Variants in ZKSCAN2 observed in about 807,000 individuals in gnomAD.
ZKSCAN2 encodes the protein zinc finger protein with KRAB and SCAN domains 2.
Under a neutral mutation model 90.5 loss-of-function variants are expected in ZKSCAN2, and 38 were observed. The observed-to-expected ratio is 0.42, with a 90% CI of 0.32 to 0.55. The LOEUF is 0.55. Among genes scored for constraint, ZKSCAN2 ranks in the 20% least tolerant of loss-of-function variants. The probability of loss-of-function intolerance (pLI) is 0.11; values close to 1 mark genes in which losing one functional copy is unlikely to be tolerated. For synonymous variants in ZKSCAN2, 429 were observed against 421.6 expected (o/e 1.02, Z -0.22); for missense variants, 1,167 against 1,202.6 (o/e 0.97, Z 0.44).
chr16:25,256,896 T>G lies in ZKSCAN2; in HGVS notation c.232A>C (p.Met78Leu). 1 of 1,614,196 alleles carries G rather than the reference T, an allele frequency of 6.2e-7. No homozygotes were observed. The highest frequency in any genetic ancestry group is 1.1e-5 in the South Asian group (1 of 91,076). The change falls in exon 1 of 7, where the codon ATG becomes CTG. Residue 78 changes from methionine (M) to leucine (L), a missense_variant. Met to Leu is a conservative substitution (Grantham distance 15). Coordinates refer to ENST00000328086, the MANE Select transcript of ZKSCAN2 (RefSeq NM_001012981.5). ...ELCCRWLKPE[M>L]RSKEQILELL... is the part of the protein sequence containing the mutation. Reference sequence around the variant, plus strand: ...TCAAGTATTTGCTCCTTGGAACGCATTTCTGGCTTCAGCCACCGGCAGCAA... The same window carrying G: ...TCAAGTATTTGCTCCTTGGAACGCAGTTCTGGCTTCAGCCACCGGCAGCAA...
intron 1 of ZKSCAN2, among the ~76,000 whole-genome samples, 178 bp downstream of exon 1, chr16:25,256,551 A>C (rs1303488749): frequency 1.3e-5 from 2 of 152,118 alleles, no homozygotes; most frequent in African/African-American, 2.4e-5. Flanking sequence ...ATTTCATGTG[A>C]AATTCTGATC....
At chr16:25,250,201 CG>C (rs1963000162) in intron 4 of ZKSCAN2, among the ~76,000 whole-genome samples, 1 of 151,620 alleles carries the variant, frequency 6.6e-6, no homozygotes, top group Admixed American at 6.6e-5. Context: ...TCCAGCTACT[CG>C]GGAGGCTGAG....
At chr16:25,249,301 A>G (rs1371159483) in intron 4 of ZKSCAN2, among the ~76,000 whole-genome samples, 1 of 151,964 alleles carries the variant, frequency 6.6e-6, no homozygotes, top group African/African-American at 2.4e-5. Flanking sequence ...AGAAGAGTAG[A>G]TTTTCTTTTA....
At chr16:25,240,862 T>A in intron 6 of ZKSCAN2, 124 bp from the exon 7 acceptor site, 1 of 716,668 alleles carries the variant, frequency 1.4e-6, no homozygotes, top group Non-Finnish European at 2.3e-6. Flanking sequence ...CTGTGACTCT[T>A]CCCTGATTCA....
rs898171319 is a variant in ZKSCAN2 at position 25,237,802 on chromosome 16, C to T, written c.*2014G>A. The T allele has an allele frequency of 3.9e-5, 6 of 152,192 alleles. No individual in the cohort carries two copies. Among genetic ancestry groups the T allele is most frequent in the East Asian group, 3.9e-4 (2 of 5,192 alleles). The allele number at this position is 152,192 out of a possible 1,614,324, so 9.4% of individuals were successfully genotyped here. A position where few individuals can be genotyped will look rare whatever the true frequency, so the allele number is the denominator to read the frequency against. On this transcript the variant is annotated 3_prime_UTR_variant, in exon 7 of 7. Coordinates refer to ENST00000328086, the MANE Select transcript of ZKSCAN2 (RefSeq NM_001012981.5). ...TTCCACATAATATCAATCCTGTGTA[C>T]ATATTATTAAGTGGTGATTTCTATT...
In ZKSCAN2 at chr16:25,239,515, T is replaced by C. The variant is rs1447990505; in HGVS notation, c.*301A>G. On this transcript the variant is annotated 3_prime_UTR_variant, in exon 7 of 7. Coordinates refer to ENST00000328086, the MANE Select transcript of ZKSCAN2 (RefSeq NM_001012981.5). ...ACAACTCTCACCCATATGGAAGATC[T>C]TGAATGTTGCCGAACTTAGCAATCC... 3.6e-5 allele frequency: 9 copies of C among 251,528 alleles called. No individual in the cohort carries two copies. In the South Asian group the frequency reaches 9.7e-4, roughly 27 times the overall value. 15.6% of individuals were successfully genotyped at this position (251,528 alleles called of 1,614,324 possible).
chr16:25,244,782 T>C (rs1194800055), intron 5 of ZKSCAN2, among the ~76,000 whole-genome samples: 1 of 152,240 alleles, frequency 6.6e-6, no homozygotes, highest in African/African-American at 2.4e-5. Context: ...GGAGCAGAAC[T>C]ATGTTCAGAG....
chr16:25,246,804 C>G lies in ZKSCAN2; in HGVS notation c.1392G>C (p.Glu464Asp). ...AKEHISLVEE[E>D]EAAEDSDDDE... ...CATCATCAGAATCTTCTGCAGCTTC[C>G]TCCTCCTCCACCAAGCTGATGTGTT... Residue 464 changes from glutamate (E) to aspartate (D), a missense_variant, in exon 5 of 7, where the codon GAG (glutamate) becomes GAC (aspartate). Physicochemically the swap from Glu to Asp is conservative, Grantham distance 45 (BLOSUM62 2). Transcript: ENST00000328086. 1 of 1,614,142 alleles carries G rather than the reference C, an allele frequency of 6.2e-7. No individual in the cohort carries two copies. The highest frequency in any genetic ancestry group is 8.5e-7 in the Non-Finnish European group (1 of 1,179,996).
intron 1 of ZKSCAN2, 92 bp downstream of exon 1, chr16:25,256,637 G>A: frequency 7.1e-7 from 1 of 1,408,166 alleles, no homozygotes; most frequent in South Asian, 1.4e-5. Flanking sequence ...ATCTTTCTCT[G>A]AAGAGCACGT....
Position 25,243,793 on chromosome 16 carries a change from C to T in ZKSCAN2, c.1973G>A (p.Ser658Asn). The T allele has an allele frequency of 3.6e-6, 5 of 1,381,512 alleles. No individual in the cohort carries two copies. Among genetic ancestry groups the T allele is most frequent in the Non-Finnish European group, 4.8e-6 (5 of 1,033,444 alleles). 85.6% of individuals were successfully genotyped at this position (1,381,512 alleles called of 1,614,324 possible). A position where few individuals can be genotyped will look rare whatever the true frequency, so the allele number is the denominator to read the frequency against. Residue 658 changes from serine to asparagine, a missense_variant, in exon 6 of 7, where the codon AGC becomes AAC. By Grantham distance (46) the Ser-to-Asn change is conservative. Coordinates refer to ENST00000328086, the MANE Select transcript of ZKSCAN2 (RefSeq NM_001012981.5). ...TTGGTTTTGCACCTTACCATTTGGG[C>T]TCTGCAGTAGACCTGGAGGTCCCTG... The part of the protein sequence containing the change: ...EFQGPPGLLQ[S>N]PNDFEIGSSI...
rs1363046912 is a variant in ZKSCAN2, at chr16:25,244,261, T to C, written c.1505A>G (p.Tyr502Cys). 3.1e-6 allele frequency: 5 copies of C among 1,613,258 alleles called. No homozygotes were observed. Among genetic ancestry groups the C allele is most frequent in the South Asian group, 1.1e-5 (1 of 91,084 alleles). ...ATCAAGAAAAGTCTTGGTTTCTTCA[T>C]AGCCCCAGTGCACGCCTGCCATTTG... ...FQNLSGVHWG[Y>C]EETKTFLDIL... The change falls in exon 6 of 7, where the codon TAT (tyrosine) becomes TGT (cysteine). Residue 502 changes from tyrosine to cysteine, a missense_variant. Transcript: ENST00000328086.
chr16:25,249,002 A>G (rs62034951), intron 4 of ZKSCAN2, among the ~76,000 whole-genome samples: 14,075 of 152,224 alleles, frequency 0.092, 778 homozygotes, highest in Middle Eastern at 0.14. Flanking sequence ...GAACATGGAG[A>G]ACATTATGTT....
Position 25,257,164 on chromosome 16 carries a change from G to C in ZKSCAN2, c.-37C>G. On this transcript the variant is annotated 5_prime_UTR_variant, in exon 1 of 7. Transcript: ENST00000328086. ...GGGGTCAACTTCACGTCTAGCTCAA[G>C]GTGGGGACCCAAAGAAGACTCCAAG... is the stretch of plus-strand genomic sequence containing the variant. 1 of 1,542,918 alleles carries C rather than the reference G, an allele frequency of 6.5e-7. No homozygotes were observed. The highest frequency in any genetic ancestry group is 8.7e-7 in the Non-Finnish European group (1 of 1,147,414).
rs746340371 is a variant in ZKSCAN2, at chr16:25,247,280, C to G, written c.916G>C (p.Val306Leu). 3 of 1,614,182 alleles carry G rather than the reference C, an allele frequency of 1.9e-6. No homozygotes were observed. In the South Asian group the frequency reaches 3.3e-5, roughly 18 times the overall value. The change falls in exon 5 of 7, where the codon GTC becomes CTC. Residue 306 changes from valine to leucine, a missense_variant. Physicochemically the swap from Val to Leu is conservative, Grantham distance 32. Coordinates refer to ENST00000328086, the MANE Select transcript of ZKSCAN2 (RefSeq NM_001012981.5). ...NKRSILRSNY[V>L]KEKSVHAIQV... ...ATAGCATGAACTGACTTTTCCTTGA[C>G]GTAGTTGCTTCGTAGGATACTTCTC...
Position 25,236,197 on chromosome 16 carries a change from G to C in ZKSCAN2, c.*3619C>G, listed in dbSNP as rs1270356166. On this transcript the variant is annotated 3_prime_UTR_variant, in exon 7 of 7. Transcript: ENST00000328086. ...CATTCCTTTAGCCAGGGCTGCCCCA[G>C]CTCCCTCACAGCTGTCTTGTCTGTC... The C allele has an allele frequency of 6.6e-6, 1 of 152,226 alleles. No homozygotes were observed. The highest frequency in any genetic ancestry group is 2.1e-4 in the South Asian group (1 of 4,826). The allele number at this position is 152,226 out of a possible 1,614,324, so 9.4% of individuals were successfully genotyped here. A position where few individuals can be genotyped will look rare whatever the true frequency, so the allele number is the denominator to read the frequency against.
rs947495796 is a variant in ZKSCAN2 at position 25,239,080 on chromosome 16, T to C, written c.*736A>G. 5.2e-5 allele frequency: 8 copies of C among 152,676 alleles called. No homozygotes were observed. The highest frequency in any genetic ancestry group is 1.7e-4 in the African/African-American group (7 of 41,392). The allele number at this position is 152,676 out of a possible 1,614,324, so 9.5% of individuals were successfully genotyped here. A position where few individuals can be genotyped will look rare whatever the true frequency, so the allele number is the denominator to read the frequency against. Reference sequence around the variant, plus strand: ...GCAAGTGCAGGGCTATGAGAAACAGTAGGAGGACCTGGGATTACTTATAGG... The same window carrying C: ...GCAAGTGCAGGGCTATGAGAAACAGCAGGAGGACCTGGGATTACTTATAGG... On this transcript the variant is annotated 3_prime_UTR_variant, in exon 7 of 7. Transcript: ENST00000328086.
At chr16:25,251,385 T>A (rs982643918) in intron 4 of ZKSCAN2, among the ~76,000 whole-genome samples, 1 of 152,180 alleles carries the variant, frequency 6.6e-6, no homozygotes, top group Admixed American at 6.5e-5. Flanking sequence ...CAGATATATT[T>A]TCGTAAGTAT....
Position 25,247,347 on chromosome 16 carries a change from C to T in ZKSCAN2, c.849G>A (p.Gln283=). The change falls in exon 5 of 7, where the codon CAG becomes CAA. Residue 283 remains glutamine (Q), a synonymous_variant. Transcript: ENST00000328086. ...STSNKITRLE[Q]RKEPWTLGLH... ...GACCTAGAGTCCATGGCTCCTTTCT[C>T]TGTTCCAACCGGGTTATCTTGTTAG... 6.2e-7 allele frequency: 1 copy of T among 1,612,462 alleles called. No individual in the cohort carries two copies. The highest frequency in any genetic ancestry group is 1.7e-4 in the Middle Eastern group (1 of 6,060).
Position 25,251,929 on chromosome 16 carries a change from A to G in ZKSCAN2, c.785T>C (p.Val262Ala). ...CTTACCCAGGGAGACCACGTTCCCA[A>G]CATTCTCCTTCCTGAAATCCCGGTA... ...DLYRDFRKEN[V>A]GNVVSLGSAV... Residue 262 changes from valine (V) to alanine (A), a missense_variant, in exon 4 of 7, where the codon GTT becomes GCT. Transcript: ENST00000328086. 2 of 1,614,162 alleles carry G rather than the reference A, an allele frequency of 1.2e-6. No individual in the cohort carries two copies. Among genetic ancestry groups the G allele is most frequent in the Non-Finnish European group, 1.7e-6 (2 of 1,180,000 alleles).
Sources: allele counts gnomAD v4.1 joint callset (sites outside exome capture counted in the v4.1 genomes callset), GRCh38; gene constraint gnomAD v4.1.1; transcripts MANE v1.5; gene names NCBI Gene and HGNC (gene_info 2026-07-23, HGNC 2026-07-21).